ATRNL1: variants seen among roughly 807,000 people sequenced by gnomAD.
ATRNL1 encodes attractin-like protein 1.
Under a neutral mutation model 182.7 loss-of-function variants are expected in ATRNL1, and 95 were observed. That is an observed-to-expected ratio of 0.52 (90% confidence interval 0.44 to 0.62). The LOEUF is 0.62. Ranked by LOEUF, ATRNL1 falls within the 20% of genes least tolerant of loss-of-function variation. The pLI is 0.00. For synonymous variants in ATRNL1, 576 were observed against 568.3 expected (o/e 1.01, Z -0.19); for missense variants, 1,471 against 1,679.5 (o/e 0.88, Z 2.17).
chr10:115,413,781 C>T (rs1461351472), intron 20 of ATRNL1, among the ~76,000 whole-genome samples: 1 of 152,012 alleles, frequency 6.6e-6, no homozygotes, highest in Non-Finnish European at 1.5e-5. Context: ...CCTTTTGGAG[C>T]TCTAGTTCCT....
intron 9 of ATRNL1, among the ~76,000 whole-genome samples, chr10:115,237,688 A>G (rs1332283257): frequency 6.6e-6 from 1 of 152,142 alleles, no homozygotes; most frequent in African/African-American, 2.4e-5. Flanking sequence ...TTTCATTCTC[A>G]TAACAATGTC....
chr10:115,718,970 G>C (rs145210595), intron 26 of ATRNL1, among the ~76,000 whole-genome samples: 1,892 of 152,152 alleles, frequency 0.012, 38 homozygotes, highest in African/African-American at 0.043. Flanking sequence ...ACTAGAAAAA[G>C]GGCATGCAGT....
intron 5 of ATRNL1, among the ~76,000 whole-genome samples, chr10:115,134,161 T>C (rs1222979928): frequency 3.3e-5 from 5 of 152,066 alleles, no homozygotes; most frequent in African/African-American, 4.8e-5. Flanking sequence ...ATTCAAAAGC[T>C]AGCAGAAGAC....
At chr10:115,485,781 A>G (rs1229103311) in intron 24 of ATRNL1, among the ~76,000 whole-genome samples, 2 of 152,110 alleles carry the variant, frequency 1.3e-5, no homozygotes, top group Admixed American at 1.3e-4. Flanking sequence ...TCTGGGGTAC[A>G]TGTGCAGAAT....
At chr10:115,130,063 T>C (rs1273923289) in intron 5 of ATRNL1, among the ~76,000 whole-genome samples, 2 of 152,184 alleles carry the variant, frequency 1.3e-5, no homozygotes, top group Non-Finnish European at 2.9e-5. Flanking sequence ...AATTTCTAAG[T>C]AATTTTTATA....
chr10:115,596,484 T>C (rs924462960), intron 26 of ATRNL1, among the ~76,000 whole-genome samples: 79 of 152,354 alleles, frequency 5.2e-4, no homozygotes, highest in African/African-American at 1.7e-3. Context: ...TTTCAACTTA[T>C]GGTAAACACA....
At chr10:115,308,612 T>C (rs879966156) in intron 17 of ATRNL1, among the ~76,000 whole-genome samples, 1 of 152,138 alleles carries the variant, frequency 6.6e-6, no homozygotes, top group Non-Finnish European at 1.5e-5. Flanking sequence ...CTTGATCTTT[T>C]GAAAAGCCAA....
At position 115,344,248 on chromosome 10, in the gene ATRNL1, A is replaced by G. The variant is rs140694666; in HGVS notation, c.3175+9829A>G. Reference sequence around the variant, plus strand: ...GTTCCCTCAGGCCCCTGGTGGGTCCAGAGGTGCTATACAGGAGTTAGGGAC... The same window carrying G: ...GTTCCCTCAGGCCCCTGGTGGGTCCGGAGGTGCTATACAGGAGTTAGGGAC... On this transcript the variant is annotated intron_variant, in intron 19 of 28. Transcript: ENST00000355044. Among the ~76,000 whole-genome samples the G allele has an allele frequency of 3.0e-4, 46 of 152,276 alleles. No individual in the cohort carries two copies. In the East Asian group the frequency reaches 7.5e-3, roughly 25 times the overall value.
intron 28 of ATRNL1, among the ~76,000 whole-genome samples, chr10:115,891,013 C>T (rs1219762809): frequency 6.6e-6 from 1 of 152,008 alleles, no homozygotes; most frequent in Non-Finnish European, 1.5e-5. Flanking sequence ...TGTAAGGGTG[C>T]AAATCAAGGT....
At chr10:115,725,809 A>G (rs928006925) in intron 26 of ATRNL1, among the ~76,000 whole-genome samples, 1 of 152,136 alleles carries the variant, frequency 6.6e-6, no homozygotes, top group Non-Finnish European at 1.5e-5. Flanking sequence ...TCCCATTCCT[A>G]TTGAGAGAGG....
intron 26 of ATRNL1, among the ~76,000 whole-genome samples, chr10:115,583,272 A>G (rs1855256678): frequency 8.2e-6 from 1 of 121,432 alleles, no homozygotes; most frequent in Non-Finnish European, 1.8e-5. Flanking sequence ...GTTTTTTCCA[A>G]TTCTGTGAAG....
chr10:115,884,567 T>C (rs1555109343), intron 28 of ATRNL1, among the ~76,000 whole-genome samples: 1 of 152,208 alleles, frequency 6.6e-6, no homozygotes, highest in Non-Finnish European at 1.5e-5. Context: ...CGTTAATCTG[T>C]TGGGCTTCTG....
At chr10:115,696,476 C>G (rs1227680599) in intron 26 of ATRNL1, among the ~76,000 whole-genome samples, 1 of 152,052 alleles carries the variant, frequency 6.6e-6, no homozygotes, top group Non-Finnish European at 1.5e-5. Flanking sequence ...TCTCAAAAAT[C>G]AAAACAAAAC....
chr10:115,585,360 C>G (rs1855448902), intron 26 of ATRNL1, among the ~76,000 whole-genome samples: 1 of 111,844 alleles, frequency 8.9e-6, no homozygotes, highest in Non-Finnish European at 1.9e-5. Flanking sequence ...GTTAAAGTCT[C>G]CCATTATTAA....
intron 28 of ATRNL1, among the ~76,000 whole-genome samples, chr10:115,859,196 A>G (rs542410116): frequency 9.2e-5 from 14 of 152,202 alleles, no homozygotes; most frequent in East Asian, 5.8e-4. Context: ...TAGTGCTTCA[A>G]TGTATGAATT....
intron 28 of ATRNL1, among the ~76,000 whole-genome samples, chr10:115,862,741 T>C (rs1312711340): frequency 3.3e-5 from 5 of 152,214 alleles, no homozygotes; most frequent in African/African-American, 9.7e-5. Context: ...AAACTACATA[T>C]GCATGAGTTA....
intron 26 of ATRNL1, among the ~76,000 whole-genome samples, chr10:115,713,463 G>GTGTTTGTGTGTGTGTGTA (rs2134022271): frequency 6.6e-6 from 1 of 151,346 alleles, no homozygotes; most frequent in East Asian, 1.9e-4. Flanking sequence ...GTGTGTGTGT[G>GTGTTTGTGTGTGTGTGTA]TGTTTGTGTG....
In ATRNL1 at chr10:115,728,830, G is replaced by A. The variant is rs148706434; in HGVS notation, c.3903+1475G>A. Among the ~76,000 whole-genome samples the A allele has an allele frequency of 5.3e-4, 81 of 152,098 alleles. No individual in the cohort carries two copies. In the East Asian group the frequency reaches 0.014, roughly 26 times the overall value. The stretch of plus-strand genomic sequence containing the variant: ...GTGTGTATATCTTCTATTTGTTGGG[G>A]AAAAAATAACAAAAAAGAATGATTA... On this transcript the variant is annotated intron_variant, in intron 27 of 28. Coordinates refer to ENST00000355044, the MANE Select transcript of ATRNL1 (RefSeq NM_207303.4).
intron 28 of ATRNL1, among the ~76,000 whole-genome samples, chr10:115,926,624 A>G (rs574787725): frequency 2.0e-5 from 3 of 152,318 alleles, no homozygotes; most frequent in African/African-American, 7.2e-5. Context: ...AGAGAATACT[A>G]TAAACACCTC....
Sources: gnomAD v4.1 joint callset for allele counts (sites outside exome capture counted in the v4.1 genomes callset) on GRCh38, gnomAD v4.1.1 for gene constraint, MANE v1.5 for transcripts, NCBI Gene and HGNC (gene_info 2026-07-23, HGNC 2026-07-21) for gene names.